Variants in ERBB4 observed in about 807,000 individuals in gnomAD.
ERBB4 encodes the protein receptor tyrosine-protein kinase erbB-4.
Under a neutral mutation model 158.0 loss-of-function variants are expected in ERBB4, and 42 were observed. That is an observed-to-expected ratio of 0.27 (90% CI 0.21 to 0.34). ERBB4 has a LOEUF of 0.34. ERBB4 is among the 10% of genes least tolerant of loss of function. The pLI, the probability that ERBB4 is intolerant of heterozygous loss-of-function variation, is 1.00. For synonymous variants in ERBB4, 583 were observed against 558.7 expected, an observed-to-expected ratio of 1.04 and a Z score of -0.61; for missense variants, 1,333 against 1,624.1, an observed-to-expected ratio of 0.82 and a Z score of 3.08.
At chr2:212,129,611 G>A (rs981547142) in intron 1 of ERBB4, among the ~76,000 whole-genome samples, 10 of 151,652 alleles carry the variant, frequency 6.6e-5, no homozygotes, top group African/African-American at 1.4e-4. Context: ...TTTATAACTC[G>A]TACTCAGAAA....
intron 19 of ERBB4, among the ~76,000 whole-genome samples, chr2:211,614,864 A>C (rs2069327705): frequency 6.6e-6 from 1 of 152,108 alleles, no homozygotes. Context: ...TTCTTCAGAA[A>C]ATAGGATAAC....
intron 1 of ERBB4, among the ~76,000 whole-genome samples, chr2:212,162,984 G>C (rs752812428): frequency 1.3e-5 from 2 of 151,864 alleles, no homozygotes. Flanking sequence ...TTGAGAACAG[G>C]AATGCCAAAC....
At chr2:212,331,174 C>T (rs1283377023) in intron 1 of ERBB4, among the ~76,000 whole-genome samples, 2 of 148,202 alleles carry the variant, frequency 1.3e-5, no homozygotes, top group African/African-American at 4.9e-5. Context: ...TATTGACAGA[C>T]CACATAATGA....
rs191971093 is a variant in ERBB4 at position 211,447,442 on chromosome 2, C to T, written c.2488-16342G>A. Among the ~76,000 whole-genome samples the T allele has an allele frequency of 1.3e-3, 194 of 152,070 alleles. 7 individuals are homozygous for T. The South Asian group carries it at 0.035, about 28-fold the overall frequency. On this transcript the variant is annotated intron_variant, in intron 20 of 27. Transcript: ENST00000342788. ...TAATGGCACTGTAAACACAATCTTA[C>T]GCAAAGATATGAAAATAAAATGGGG...
At chr2:211,731,216 C>T (rs533780209) in intron 5 of ERBB4, among the ~76,000 whole-genome samples, 8 of 152,246 alleles carry the variant, frequency 5.3e-5, no homozygotes, top group Non-Finnish European at 8.8e-5. Flanking sequence ...TCCCCAATTG[C>T]ACTGCTAAGC....
intron 5 of ERBB4, among the ~76,000 whole-genome samples, chr2:211,726,258 G>C (rs545794954): frequency 6.6e-6 from 1 of 152,012 alleles, no homozygotes; most frequent in East Asian, 1.9e-4. Context: ...ATTTTGGGGG[G>C]ACTATGGGCT....
intron 1 of ERBB4, among the ~76,000 whole-genome samples, chr2:212,315,752 C>T (rs868541455): frequency 2.6e-5 from 4 of 151,326 alleles, no homozygotes; most frequent in Admixed American, 6.6e-5. Flanking sequence ...TGTCAGATTC[C>T]GGGCATTTTG....
rs539136791 is a variant in ERBB4, at chr2:211,392,825, G to A, written c.3136-4833C>T. ...TGGGATTGCAGGTGCCCACCACCAC[G>A]CCTGGCTAATTTTTAGAGACAGGGT... On this transcript the variant is annotated intron_variant, in intron 25 of 27. Transcript: ENST00000342788. 5.9e-5 allele frequency among the ~76,000 whole-genome samples: 9 copies of A among 151,992 alleles called. No homozygotes were observed. In the South Asian group the frequency reaches 1.3e-3, roughly 21 times the overall value.
At chr2:211,727,680 T>A (rs2074309426) in intron 5 of ERBB4, among the ~76,000 whole-genome samples, 1 of 152,002 alleles carries the variant, frequency 6.6e-6, no homozygotes, top group South Asian at 2.1e-4. Flanking sequence ...TTTAATTGGA[T>A]CCTTTTCCAT....
intron 1 of ERBB4, among the ~76,000 whole-genome samples, chr2:212,417,043 T>C (rs1000845199): frequency 1.3e-5 from 2 of 152,068 alleles, no homozygotes; most frequent in Non-Finnish European, 2.9e-5. Flanking sequence ...AATGGATTTA[T>C]ACTTTAAAAG....
intron 7 of ERBB4, among the ~76,000 whole-genome samples, chr2:211,720,479 C>T (rs72946572): frequency 0.082 from 12,408 of 152,174 alleles, 815 homozygotes; most frequent in East Asian, 0.19. Context: ...ATTTTGTCAC[C>T]GGGAATCTCT....
At chr2:211,553,352 G>A (rs2067154637) in intron 20 of ERBB4, among the ~76,000 whole-genome samples, 1 of 152,066 alleles carries the variant, frequency 6.6e-6, no homozygotes, top group Non-Finnish European at 1.5e-5. Flanking sequence ...AAGCATATGT[G>A]GATGAGAGAC....
chr2:211,698,908 T>C (rs1368562496), intron 12 of ERBB4, among the ~76,000 whole-genome samples: 1 of 152,232 alleles, frequency 6.6e-6, no homozygotes. Flanking sequence ...TTCTAGCTTT[T>C]CATGTCCCAG....
rs868056963 is a variant in ERBB4 at position 211,379,540 on chromosome 2, C to T, written c.*4075G>A. 4.3e-6 allele frequency: 1 copy of T among 230,956 alleles called. No individual in the cohort carries two copies. The highest frequency in any genetic ancestry group is 8.6e-6 in the Non-Finnish European group (1 of 116,750). The allele number at this position is 230,956 out of a possible 1,614,324, so 14.3% of individuals were successfully genotyped here. On this transcript the variant is annotated 3_prime_UTR_variant, in exon 28 of 28. Coordinates refer to ENST00000342788, the MANE Select transcript of ERBB4 (RefSeq NM_005235.3). ...AACTTATCTTTTTACTATGCAAAATCCATCCTACATTTTTATATCCTGCAT... is the reference window on the plus strand; with the variant it reads ...AACTTATCTTTTTACTATGCAAAATTCATCCTACATTTTTATATCCTGCAT...
In ERBB4 at chr2:211,562,011, C is replaced by T. The variant is rs142841164; in HGVS notation, c.2379G>A (p.Gln793=). The T allele has an allele frequency of 1.7e-4, 273 of 1,614,138 alleles. 1 individual carries two copies. The East Asian group carries it at 5.9e-3, about 35-fold the overall frequency. ...LLGVCLSPTI[Q]LVTQLMPHGC... is the part of the protein sequence containing the mutation. Reference sequence around the variant, plus strand: ...CATGGGGCATAAGTTGAGTAACCAGCTGGATGGTTGGGCTCAGACACACAC... The same window carrying T: ...CATGGGGCATAAGTTGAGTAACCAGTTGGATGGTTGGGCTCAGACACACAC... The change falls in exon 20 of 28, where the codon CAG becomes CAA. Residue 793 remains glutamine, a synonymous_variant. Transcript: ENST00000342788.
At chr2:212,257,196 G>T (rs2084769876) in intron 1 of ERBB4, among the ~76,000 whole-genome samples, 1 of 152,086 alleles carries the variant, frequency 6.6e-6, no homozygotes, top group Admixed American at 6.6e-5. Context: ...AAAACTTGTA[G>T]ATTCCAAAAA....
chr2:211,974,741 G>A (rs774354170), intron 2 of ERBB4, among the ~76,000 whole-genome samples: 136 of 152,204 alleles, frequency 8.9e-4, no homozygotes, highest in Non-Finnish European at 1.6e-3. Flanking sequence ...CCACATGGGT[G>A]ACAAAGTGAA....
At chr2:211,534,615 C>T (rs976848484) in intron 20 of ERBB4, among the ~76,000 whole-genome samples, 1 of 152,054 alleles carries the variant, frequency 6.6e-6, no homozygotes, top group Non-Finnish European at 1.5e-5. Flanking sequence ...TGCTTTGTAA[C>T]AGCAGTAATA....
In ERBB4 at chr2:211,722,546, C is replaced by T; in HGVS notation, c.742-12G>A. 6.2e-7 allele frequency: 1 copy of T among 1,613,350 alleles called. No individual in the cohort carries two copies. The highest frequency in any genetic ancestry group is 1.7e-5 in the Admixed American group (1 of 60,022). ...AAATTCATGCAGGCCTGCAACACAGCAAATATTACTTTCATTTACAAATAA... is the reference window on the plus strand; with the variant it reads ...AAATTCATGCAGGCCTGCAACACAGTAAATATTACTTTCATTTACAAATAA... On this transcript the variant is annotated splice_polypyrimidine_tract_variant and intron_variant, in intron 6 of 27. Coordinates refer to ENST00000342788, the MANE Select transcript of ERBB4 (RefSeq NM_005235.3).
Sources: gnomAD v4.1 joint callset for allele counts (sites outside exome capture counted in the v4.1 genomes callset) on GRCh38, gnomAD v4.1.1 for gene constraint, MANE v1.5 for transcripts, NCBI Gene and HGNC (gene_info 2026-07-23, HGNC 2026-07-21) for gene names.